The following ENTHD1 variants were observed in gnomAD, a reference collection of about 807,000 sequenced individuals.
ENTHD1 encodes ENTH domain-containing protein 1.
ENTHD1 carries 23 observed loss-of-function variants against 39.1 expected under a neutral mutation model. That is an observed-to-expected ratio of 0.59 (90% CI 0.42 to 0.83). The LOEUF (loss-of-function observed/expected upper bound fraction) is 0.83. Ranked by LOEUF, ENTHD1 falls within the 40% of genes least tolerant of loss-of-function variation. The probability of loss-of-function intolerance (pLI) is 0.00; values close to 1 mark genes in which losing one functional copy is unlikely to be tolerated. For missense variants in ENTHD1, 624 were observed against 705.4 expected (o/e 0.88, Z 1.31); for synonymous variants, 230 against 258.2 (o/e 0.89, Z 1.05).
In ENTHD1 at chr22:39,763,242, G is replaced by A. The variant is rs2065250157; in HGVS notation, c.1219+1981C>T. The stretch of plus-strand genomic sequence containing the variant: ...CCTGAACTCCAACATTTGTTTCCTT[G>A]TATCATCAGAATCATCAGAATCTCT... On this transcript the variant is annotated intron_variant, in intron 6 of 6. Coordinates refer to ENST00000325157, the MANE Select transcript of ENTHD1 (RefSeq NM_152512.4). 2.6e-5 allele frequency among the ~76,000 whole-genome samples: 4 copies of A among 152,074 alleles called. No individual in the cohort carries two copies. The South Asian group carries it at 8.3e-4, about 32-fold the overall frequency.
intron 5 of ENTHD1, among the ~76,000 whole-genome samples, chr22:39,801,319 A>G (rs552368022): frequency 6.6e-6 from 1 of 152,314 alleles, no homozygotes; most frequent in East Asian, 1.9e-4. Context: ...CCCTTTGCTT[A>G]TCAAGATTTG....
intron 5 of ENTHD1, among the ~76,000 whole-genome samples, chr22:39,775,947 G>C (rs1220133839): frequency 6.6e-6 from 1 of 152,106 alleles, no homozygotes; most frequent in African/African-American, 2.4e-5. Flanking sequence ...ACCCAGGCTG[G>C]ACTGCAGTGG....
At chr22:39,796,616 C>T (rs2065552265) in intron 5 of ENTHD1, among the ~76,000 whole-genome samples, 1 of 152,150 alleles carries the variant, frequency 6.6e-6, no homozygotes, top group African/African-American at 2.4e-5. Flanking sequence ...TTTAAACTTC[C>T]TTCCTAATAT....
chr22:39,786,196 TC>T (rs2065456462), intron 5 of ENTHD1, among the ~76,000 whole-genome samples: 1 of 152,134 alleles, frequency 6.6e-6, no homozygotes, highest in African/African-American at 2.4e-5. Flanking sequence ...ATTAGCTTTC[TC>T]CCCCTAGCTC....
chr22:39,871,640 T>C (rs1192603070), intron 2 of ENTHD1, among the ~76,000 whole-genome samples: 1 of 152,200 alleles, frequency 6.6e-6, no homozygotes. Flanking sequence ...TGCTTTGTCG[T>C]CCATCTGAGT....
At chr22:39,876,147 G>T in intron 2 of ENTHD1, 1 of 1,540,100 alleles carries the variant, frequency 6.5e-7, no homozygotes. Flanking sequence ...GCTTCTTTCA[G>T]TCTTTATGTC....
chr22:39,750,420 G>C (rs562521331), intron 6 of ENTHD1: 1 of 156,964 alleles, frequency 6.4e-6, no homozygotes, highest in South Asian at 1.9e-4. Context: ...TCCATCCTTT[G>C]CAACTAGTTT....
intron 5 of ENTHD1, among the ~76,000 whole-genome samples, chr22:39,812,907 C>T (rs766562144): frequency 1.3e-5 from 2 of 152,180 alleles, no homozygotes; most frequent in African/African-American, 2.4e-5. Flanking sequence ...CTCAGTCTCC[C>T]GAGTACCTGG....
intron 6 of ENTHD1, among the ~76,000 whole-genome samples, chr22:39,762,166 T>C (rs1452977587): frequency 6.6e-6 from 1 of 152,200 alleles, no homozygotes; most frequent in Admixed American, 6.5e-5. Flanking sequence ...GATTTTCTTT[T>C]CTGGTCAGAC....
intron 5 of ENTHD1, among the ~76,000 whole-genome samples, chr22:39,779,118 A>C (rs932053463): frequency 6.6e-6 from 1 of 152,152 alleles, no homozygotes; most frequent in African/African-American, 2.4e-5. Flanking sequence ...GGAGTTCGAG[A>C]CCAGCCTGGC....
chr22:39,791,732 T>G (rs2065506010), intron 5 of ENTHD1, among the ~76,000 whole-genome samples: 2 of 152,160 alleles, frequency 1.3e-5, no homozygotes, highest in Admixed American at 1.3e-4. Context: ...ATATATGTAA[T>G]TTTATTTTAA....
chr22:39,869,120 A>G (rs1234786292), intron 2 of ENTHD1, among the ~76,000 whole-genome samples: 1 of 152,230 alleles, frequency 6.6e-6, no homozygotes, highest in Non-Finnish European at 1.5e-5. Flanking sequence ...CTAGGTATAT[A>G]TCCAAAAGGA....
At chr22:39,838,550 T>A (rs2146681125) in intron 3 of ENTHD1, among the ~76,000 whole-genome samples, 1 of 152,242 alleles carries the variant, frequency 6.6e-6, no homozygotes, top group Admixed American at 6.5e-5. Flanking sequence ...AGGCAGGATT[T>A]CTGCTGAGCC....
At chr22:39,857,094 G>A (rs2066097502) in intron 3 of ENTHD1, among the ~76,000 whole-genome samples, 1 of 152,122 alleles carries the variant, frequency 6.6e-6, no homozygotes, top group Admixed American at 6.5e-5. Context: ...TCATAGCTCA[G>A]TGTAGTGAAT....
At chr22:39,778,411 C>CT (rs560230985) in intron 5 of ENTHD1, among the ~76,000 whole-genome samples, 6 of 152,306 alleles carry the variant, frequency 3.9e-5, no homozygotes, top group Admixed American at 2.0e-4. Context: ...AACTCTCAGA[C>CT]ATATGCCCTA....
At chr22:39,796,403 G>T (rs982003124) in intron 5 of ENTHD1, among the ~76,000 whole-genome samples, 1 of 152,090 alleles carries the variant, frequency 6.6e-6, no homozygotes, top group Non-Finnish European at 1.5e-5. Flanking sequence ...CTCCCGTGTA[G>T]TTGGGACCAC....
At chr22:39,757,114 T>C (rs915368984) in intron 6 of ENTHD1, among the ~76,000 whole-genome samples, 4 of 152,126 alleles carry the variant, frequency 2.6e-5, no homozygotes, top group Non-Finnish European at 5.9e-5. Context: ...CCATGAACAC[T>C]GTGTATCTTC....
At chr22:39,789,080 A>G (rs1419889548) in intron 5 of ENTHD1, among the ~76,000 whole-genome samples, 5 of 152,134 alleles carry the variant, frequency 3.3e-5, no homozygotes, top group Non-Finnish European at 7.4e-5. Context: ...CATCCAAGGT[A>G]TGCTTGTGTA....
At chr22:39,806,522 A>G (rs2065641902) in intron 5 of ENTHD1, among the ~76,000 whole-genome samples, 1 of 152,218 alleles carries the variant, frequency 6.6e-6, no homozygotes, top group Non-Finnish European at 1.5e-5. Context: ...GCTGTATTCA[A>G]TTGAGGGGCA....
Sources: allele counts gnomAD v4.1 joint callset (sites outside exome capture counted in the v4.1 genomes callset), GRCh38; gene constraint gnomAD v4.1.1; transcripts MANE v1.5; gene names NCBI Gene and HGNC (gene_info 2026-07-23, HGNC 2026-07-21).